Variants in KLRF1 observed in about 807,000 individuals in gnomAD.
KLRF1 encodes the protein killer cell lectin like receptor F1.
Under a neutral mutation model 30.7 loss-of-function variants are expected in KLRF1, and 27 were observed. That is an observed-to-expected ratio of 0.88 (90% CI 0.65 to 1.21). KLRF1 has a LOEUF of 1.21. Among genes scored for constraint, KLRF1 ranks in the 50% most tolerant of loss-of-function variants. The pLI is 0.00. For synonymous variants in KLRF1, 92 were observed against 89.3 expected (o/e 1.03, Z -0.17); for missense variants, 246 against 259.3 (o/e 0.95, Z 0.35).
intron 4 of KLRF1, 34 bp from the exon 5 acceptor site, chr12:9,842,287 A>G: frequency 6.2e-7 from 1 of 1,604,498 alleles, no homozygotes; most frequent in Non-Finnish European, 8.5e-7. Flanking sequence ...TTGCTAAAAT[A>G]TTTTGTTCAT....
At chr12:9,814,093 G>A in the KLRF1 span, among the ~76,000 whole-genome samples, 6 of 152,162 alleles carry the variant, frequency 3.9e-5, no homozygotes, top group African/African-American at 1.4e-4. Context: ...GTGGCACAAG[G>A]CTGATTGGTG....
chr12:9,803,404 A>G, the KLRF1 span, among the ~76,000 whole-genome samples: 1 of 152,084 alleles, frequency 6.6e-6, no homozygotes. Context: ...TGGGCAGAGT[A>G]GAAGTCTTTA....
At chr12:9,830,840 A>C (rs981949297) in intron 1 of KLRF1, among the ~76,000 whole-genome samples, 3 of 152,070 alleles carry the variant, frequency 2.0e-5, no homozygotes, top group African/African-American at 7.2e-5. Flanking sequence ...TTGGGTGGTT[A>C]AAAGGCTTGT....
At chr12:9,830,387 T>C (rs752898588) in intron 1 of KLRF1, among the ~76,000 whole-genome samples, 1 of 152,236 alleles carries the variant, frequency 6.6e-6, no homozygotes, top group Non-Finnish European at 1.5e-5. Flanking sequence ...TTCTAATATT[T>C]CTACCTGTAA....
At chr12:9,800,393 T>C in the KLRF1 span, among the ~76,000 whole-genome samples, 25 of 152,156 alleles carry the variant, frequency 1.6e-4, no homozygotes, top group Admixed American at 1.2e-3. Context: ...TCTGAGATTT[T>C]ATTACACTCA....
chr12:9,800,251 G>A, the KLRF1 span, among the ~76,000 whole-genome samples: 2 of 152,016 alleles, frequency 1.3e-5, no homozygotes, highest in Admixed American at 6.6e-5. Context: ...TCAGCATTTG[G>A]TGTTGTTCAT....
Position 9,841,806 on chromosome 12 carries a change from C to G in KLRF1, c.335-6C>G. On this transcript the variant is annotated splice_region_variant and splice_polypyrimidine_tract_variant and intron_variant, in intron 3 of 5. Transcript: ENST00000617889. The stretch of plus-strand genomic sequence containing the variant: ...ATTTCATTTTGTTTTCTACATTTCT[C>G]TGTAGTACTATGCCAATCAGAATGG... 6.3e-7 allele frequency: 1 copy of G among 1,597,168 alleles called. No homozygotes were observed. The highest frequency in any genetic ancestry group is 2.2e-5 in the East Asian group (1 of 44,534).
At chr12:9,801,991 G>A in the KLRF1 span, among the ~76,000 whole-genome samples, 1 of 151,598 alleles carries the variant, frequency 6.6e-6, no homozygotes, top group Non-Finnish European at 1.5e-5. Context: ...GTTTTCTGAG[G>A]CCAGAATCAT....
rs1414983602 is a variant in KLRF1, at chr12:9,842,384, T to C, written c.538T>C (p.Leu180=). 2 of 1,612,540 alleles carry C rather than the reference T, an allele frequency of 1.2e-6. No individual in the cohort carries two copies. Among genetic ancestry groups the C allele is most frequent in the African/African-American group, 2.7e-5 (2 of 74,846 alleles). ...ATGGATTGGGCTTAACTTTACCTCC[T>C]TGAAAATGACATGGACTTGGGTGGA... The part of the protein sequence containing the change: ...YVWIGLNFTS[L]KMTWTWVDGS... The change falls in exon 5 of 6, where the codon TTG becomes CTG. Residue 180 remains leucine, a synonymous_variant. Coordinates refer to ENST00000617889, the MANE Select transcript of KLRF1 (RefSeq NM_016523.3).
the KLRF1 span, among the ~76,000 whole-genome samples, chr12:9,813,066 C>A: frequency 6.6e-6 from 1 of 152,164 alleles, no homozygotes. Context: ...AATATCCTTG[C>A]AGCAAAGTGC....
intron 1 of KLRF1, among the ~76,000 whole-genome samples, chr12:9,831,333 A>G (rs1023227928): frequency 9.2e-5 from 14 of 152,094 alleles, no homozygotes; most frequent in African/African-American, 3.4e-4. Flanking sequence ...CCTGCGAACT[A>G]TTTATCTAAA....
chr12:9,812,701 CCTTGGG>C, the KLRF1 span, among the ~76,000 whole-genome samples: 136 of 152,172 alleles, frequency 8.9e-4, no homozygotes, highest in African/African-American at 3.2e-3. Flanking sequence ...GTTTCATGTT[CCTTGGG>C]GTATATTTTA....
chr12:9,833,511 A>C lies in KLRF1; in HGVS notation c.334+59A>C, dbSNP rs190942033. 290 of 1,429,508 alleles carry C rather than the reference A, an allele frequency of 2.0e-4. 4 individuals carry two copies. Among genetic ancestry groups the C allele is most frequent in the Non-Finnish European group, 4.2e-5 (45 of 1,079,098 alleles). 88.6% of individuals were successfully genotyped at this position (1,429,508 alleles called of 1,614,324 possible). A position where few individuals can be genotyped will look rare whatever the true frequency, so the allele number is the denominator to read the frequency against. ...AATCTTTTGGACTCTCTAAATGTGA[A>C]GTATTTTTGAACAGGTATGCAATAG... On this transcript the variant is annotated intron_variant, in intron 3 of 5. Coordinates refer to ENST00000617889, the MANE Select transcript of KLRF1 (RefSeq NM_016523.3).
At chr12:9,829,116 A>T (rs1867350826) in intron 1 of KLRF1, among the ~76,000 whole-genome samples, 2 of 152,222 alleles carry the variant, frequency 1.3e-5, no homozygotes, top group African/African-American at 2.4e-5. Flanking sequence ...TTTCTCATAT[A>T]TTGAAAAACC....
chr12:9,828,041 C>A (rs1284985395), intron 1 of KLRF1, among the ~76,000 whole-genome samples: 1 of 152,002 alleles, frequency 6.6e-6, no homozygotes, highest in Non-Finnish European at 1.5e-5. Flanking sequence ...TATTTGCTGC[C>A]ATTCACCTCC....
At chr12:9,830,637 A>G (rs941553192) in intron 1 of KLRF1, among the ~76,000 whole-genome samples, 2 of 150,026 alleles carry the variant, frequency 1.3e-5, no homozygotes, top group Non-Finnish European at 3.0e-5. Context: ...ATCTATTGAG[A>G]TGATGATAGA....
chr12:9,836,024 G>A (rs999767111), intron 3 of KLRF1, among the ~76,000 whole-genome samples: 4 of 152,032 alleles, frequency 2.6e-5, no homozygotes, highest in African/African-American at 9.7e-5. Context: ...CTACATGTAA[G>A]GTGGGGGCAG....
the KLRF1 span, among the ~76,000 whole-genome samples, chr12:9,802,771 T>G: frequency 6.6e-6 from 1 of 152,066 alleles, no homozygotes; most frequent in Non-Finnish European, 1.5e-5. Flanking sequence ...GAAGGACTTC[T>G]TCAAGGAGAA....
At chr12:9,823,710 T>C (rs1273588069), upstream of KLRF1, among the ~76,000 whole-genome samples, 3 of 149,516 alleles carry the variant, frequency 2.0e-5, no homozygotes, top group Non-Finnish European at 4.5e-5. Context: ...GGTTGGTTTT[T>C]TGGAAAAAAA....
Sources: allele counts gnomAD v4.1 joint callset (sites outside exome capture counted in the v4.1 genomes callset), GRCh38; gene constraint gnomAD v4.1.1; transcripts MANE v1.5; gene names NCBI Gene and HGNC (gene_info 2026-07-23, HGNC 2026-07-21).